The following TUT4 variants were observed in gnomAD, a reference collection of about 807,000 sequenced individuals.
TUT4 encodes terminal uridylyltransferase 4.
Under a neutral mutation model 192.2 loss-of-function variants are expected in TUT4, and 36 were observed. That is an observed-to-expected ratio of 0.19 (90% CI 0.14 to 0.25). TUT4 has a LOEUF of 0.25. Among genes scored for constraint, TUT4 ranks in the 10% least tolerant of loss-of-function variants. The pLI, the probability that TUT4 is intolerant of heterozygous loss-of-function variation, is 1.00. For missense variants in TUT4, 1,493 were observed against 1,957.2 expected, an observed-to-expected ratio of 0.76 and a Z score of 4.47; for synonymous variants, 618 against 666.0, an observed-to-expected ratio of 0.93 and a Z score of 1.11.
chr1:52,451,139 G>A (rs750247131), intron 20 of TUT4, among the ~76,000 whole-genome samples: 3 of 151,942 alleles, frequency 2.0e-5, no homozygotes, highest in Non-Finnish European at 4.4e-5. Flanking sequence ...GGTGGTGGGC[G>A]CCTTTAGTCC....
chr1:52,488,210 T>C (rs771300853), intron 9 of TUT4, among the ~76,000 whole-genome samples: 1 of 152,154 alleles, frequency 6.6e-6, no homozygotes, highest in African/African-American at 2.4e-5. Flanking sequence ...TCTAACACCA[T>C]CCCCTTAACC....
rs1347113075 is a variant in TUT4, at chr1:52,553,066, ACCG to A, written c.-232_-230del. 7.1e-6 allele frequency: 1 copy of A among 140,334 alleles called. No homozygotes were observed. The highest frequency in any genetic ancestry group is 1.5e-5 in the Non-Finnish European group (1 of 65,316). 8.7% of individuals were successfully genotyped at this position (140,334 alleles called of 1,614,324 possible). A position where few individuals can be genotyped will look rare whatever the true frequency, so the allele number is the denominator to read the frequency against. On this transcript the variant is annotated 5_prime_UTR_variant, in exon 1 of 30. Coordinates refer to ENST00000257177, the MANE Select transcript of TUT4 (RefSeq NM_001009881.3). ...CGGGACACGACTAGCTCAGGACTCC[ACCG>A]CCATGTCCGCCGCGCCGCGAACTGC...
At chr1:52,469,685 T>G (rs1007170873) in intron 14 of TUT4, among the ~76,000 whole-genome samples, 3 of 151,960 alleles carry the variant, frequency 2.0e-5, no homozygotes, top group Middle Eastern at 3.4e-3. Context: ...GGTCAGGAGA[T>G]CAAGACCATC....
intron 4 of TUT4, among the ~76,000 whole-genome samples, chr1:52,498,801 C>T (rs888895952): frequency 1.4e-5 from 2 of 147,360 alleles, no homozygotes; most frequent in African/African-American, 2.5e-5. Flanking sequence ...ACAGGAGAAT[C>T]GTTTCAACCT....
chr1:52,446,115 C>A, intron 22 of TUT4, 111 bp from the exon 23 acceptor site: 1 of 1,309,760 alleles, frequency 7.6e-7, no homozygotes, highest in South Asian at 1.4e-5. Flanking sequence ...CTATACAAAT[C>A]AGCAAACTCT....
In TUT4 at chr1:52,477,722, C is replaced by T. The variant is rs1309011489; in HGVS notation, c.2009G>A (p.Arg670Gln). 1.9e-6 allele frequency: 3 copies of T among 1,608,708 alleles called. No homozygotes were observed. Among genetic ancestry groups the T allele is most frequent in the Non-Finnish European group, 2.5e-6 (3 of 1,178,328 alleles). Residue 670 changes from arginine (R) to glutamine (Q), a missense_variant, in exon 12 of 30, where the codon CGA becomes CAA. By Grantham distance (43) the Arg-to-Gln change is conservative. Transcript: ENST00000257177. ...TATCATCTCACCTTCAATGGCTATT[C>T]GCCTTTTAGGCCAGTTTTTATTTTC... ...TRENKNWPKR[R>Q]IAIEDPFSVK... is the part of the protein sequence containing the mutation.
In TUT4 at chr1:52,436,839, A is replaced by G. The variant is rs1409816727; in HGVS notation, c.4078T>C (p.Cys1360Arg). The G allele has an allele frequency of 3.1e-6, 5 of 1,611,642 alleles. No individual in the cohort carries two copies. Among genetic ancestry groups the G allele is most frequent in the Non-Finnish European group, 2.5e-6 (3 of 1,179,750 alleles). ...TGTCCAGCATCTCCACATATAAAAC[A>G]TCTGAGGTCTCTCGGGTCTCTAAAG... is the stretch of plus-strand genomic sequence containing the variant. Reference protein sequence around the residue: ...RDFRDPRDLRCFICGDAGHVR... With the variant: ...RDFRDPRDLRRFICGDAGHVR... Residue 1360 changes from cysteine to arginine, a missense_variant, in exon 26 of 30, where the codon TGT (cysteine) becomes CGT (arginine). By Grantham distance (180) the Cys-to-Arg change is radical. Around this residue, in one of 7 missense-constraint regions of TUT4, gnomAD observed 351 missense variants for 397.8 expected, o/e 0.88. Transcript: ENST00000257177.
chr1:52,552,369 G>A (rs575330545), intron 1 of TUT4, among the ~76,000 whole-genome samples: 1 of 152,238 alleles, frequency 6.6e-6, no homozygotes, highest in Admixed American at 6.5e-5. Flanking sequence ...CTGGGGGGCG[G>A]GGGAGAGAGA....
At chr1:52,486,994 G>A (rs1203589287) in intron 9 of TUT4, among the ~76,000 whole-genome samples, 29 of 152,102 alleles carry the variant, frequency 1.9e-4, no homozygotes, top group Admixed American at 1.9e-3. Flanking sequence ...TAATTTAAAA[G>A]TACCAACAAA....
intron 20 of TUT4, among the ~76,000 whole-genome samples, chr1:52,452,386 C>T (rs1659691909): frequency 1.3e-5 from 2 of 152,120 alleles, no homozygotes; most frequent in Admixed American, 1.3e-4. Context: ...TGTATGCAAG[C>T]AAGTTGACTA....
At chr1:52,456,029 T>C (rs955448868) in intron 20 of TUT4, among the ~76,000 whole-genome samples, 3 of 152,192 alleles carry the variant, frequency 2.0e-5, no homozygotes, top group African/African-American at 7.2e-5. Context: ...AGCCAAAACT[T>C]GGAAGTAAAA....
chr1:52,470,765 G>T (rs947616872), intron 14 of TUT4, among the ~76,000 whole-genome samples: 3 of 152,094 alleles, frequency 2.0e-5, no homozygotes, highest in African/African-American at 7.2e-5. Context: ...GGGAAGAAGG[G>T]AGCGATTACA....
At chr1:52,428,280 G>A (rs566587094) in intron 28 of TUT4, among the ~76,000 whole-genome samples, 3 of 152,012 alleles carry the variant, frequency 2.0e-5, no homozygotes, top group East Asian at 3.9e-4. Context: ...GAGGTCAAGA[G>A]ATCGAGACCA....
intron 4 of TUT4, among the ~76,000 whole-genome samples, chr1:52,497,611 A>G (rs1672784208): frequency 6.6e-6 from 1 of 152,240 alleles, no homozygotes; most frequent in South Asian, 2.1e-4. Flanking sequence ...CCTACTATTT[A>G]CCAGTGATTT....
chr1:52,462,175 C>CTTTTTTT (rs1210058850), intron 16 of TUT4: 16 of 121,064 alleles, frequency 1.3e-4, no homozygotes, highest in African/African-American at 2.5e-4. Context: ...GGATTCAAAT[C>CTTTTTTT]TTTTTTTTTT....
chr1:52,430,104 T>C (rs1651574546), intron 28 of TUT4, among the ~76,000 whole-genome samples: 1 of 152,170 alleles, frequency 6.6e-6, no homozygotes, highest in Non-Finnish European at 1.5e-5. Flanking sequence ...TGATAGATGA[T>C]TTATTTCTCA....
At chr1:52,477,604 A>T in intron 12 of TUT4, 104 bp downstream of exon 12, 1 of 1,051,964 alleles carries the variant, frequency 9.5e-7, no homozygotes. Context: ...ATCTAGTGAC[A>T]TATATATATA....
chr1:52,493,047 T>C (rs1001967245), intron 7 of TUT4, among the ~76,000 whole-genome samples: 1 of 152,184 alleles, frequency 6.6e-6, no homozygotes, highest in Non-Finnish European at 1.5e-5. Context: ...ATTTTTTAAT[T>C]ACCCAAAAGG....
intron 10 of TUT4, 39 bp from the exon 11 acceptor site, chr1:52,481,674 TA>T: frequency 6.5e-7 from 1 of 1,541,696 alleles, no homozygotes; most frequent in Non-Finnish European, 8.7e-7. Context: ...GTGGAAAAAT[TA>T]TTTAAAAAAA....
Sources: gnomAD v4.1 joint callset for allele counts (sites outside exome capture counted in the v4.1 genomes callset) on GRCh38, gnomAD v4.1.1 for gene constraint, gnomAD v4.1.1 regional missense constraint, MANE v1.5 for transcripts, NCBI Gene and HGNC (gene_info 2026-07-23, HGNC 2026-07-21) for gene names.